The following STRBP variants were observed in gnomAD, a reference collection of about 807,000 sequenced individuals.
The protein encoded by STRBP is spermatid perinuclear RNA binding protein, also known as spermatid perinuclear RNA-binding protein.
STRBP carries 13 observed loss-of-function variants against 80.1 expected under a neutral mutation model. The observed-to-expected ratio is 0.16, with a 90% CI of 0.11 to 0.26. The LOEUF (loss-of-function observed/expected upper bound fraction) is 0.26. STRBP is among the 10% of genes least tolerant of loss of function. The pLI is 1.00. For missense variants in STRBP, 485 were observed against 815.2 expected (o/e 0.59, Z 4.93); for synonymous variants, 284 against 291.2 (o/e 0.98, Z 0.25).
At chr9:123,174,905 T>C (rs2038156129) in intron 4 of STRBP, among the ~76,000 whole-genome samples, 1 of 152,196 alleles carries the variant, frequency 6.6e-6, no homozygotes, top group African/African-American at 2.4e-5. Flanking sequence ...TAACCGTCTT[T>C]CAACAAATAA....
Position 123,179,217 on chromosome 9 carries a change from C to G in STRBP, c.14G>C (p.Arg5Pro). MRSI[R>P]SFANDDRHVM... is the part of the protein sequence containing the mutation. ...ATGGCGATCATCATTAGCAAAAGAT[C>G]GAATAGATCTCTGTTAGAAGGAGAA... is the stretch of plus-strand genomic sequence containing the variant. Residue 5 changes from arginine to proline, a missense_variant, in exon 4 of 19, where the codon CGA (arginine) becomes CCA (proline). Arg to Pro is a moderately radical substitution (Grantham distance 103). Around this residue, in one of 3 missense-constraint regions of STRBP, gnomAD observed 377 missense variants for 616.1 expected, o/e 0.61. Coordinates refer to ENST00000348403, the MANE Select transcript of STRBP (RefSeq NM_018387.5). 1 of 1,605,058 alleles carries G rather than the reference C, an allele frequency of 6.2e-7. No homozygotes were observed. Among genetic ancestry groups the G allele is most frequent in the Non-Finnish European group, 8.5e-7 (1 of 1,172,556 alleles).
At chr9:123,184,890 T>C (rs1417139838) in intron 2 of STRBP, among the ~76,000 whole-genome samples, 3 of 152,234 alleles carry the variant, frequency 2.0e-5, no homozygotes, top group African/African-American at 7.2e-5. Context: ...GCCAGACTCC[T>C]GAATATTCAC....
In STRBP at chr9:123,115,021, C is replaced by A. The variant is rs893731804; in HGVS notation, c.*84+908G>T. 53 of 366,206 alleles carry A rather than the reference C, an allele frequency of 1.4e-4. No individual in the cohort carries two copies. The highest frequency in any genetic ancestry group is 9.6e-4 in the African/African-American group (45 of 46,750). 22.7% of individuals were successfully genotyped at this position (366,206 alleles called of 1,614,324 possible). A position where few individuals can be genotyped will look rare whatever the true frequency, so the allele number is the denominator to read the frequency against. ...CCTCCTGACTCTGGTCCTTGGCTAT[C>A]CAACTGTCCCAATCGACCCTCTGGA... On this transcript the variant is annotated intron_variant and NMD_transcript_variant, in intron 3 of 3. Transcript: ENST00000471564. The surrounding 1 kb of genome is among the most constrained non-coding windows in gnomAD (Gnocchi z 5.0).
At chr9:123,264,255 T>C (rs1290959142) in intron 1 of STRBP, among the ~76,000 whole-genome samples, 1 of 152,230 alleles carries the variant, frequency 6.6e-6, no homozygotes, top group African/African-American at 2.4e-5. Context: ...AGAAACAATC[T>C]TGGGCTATAG....
At chr9:123,255,945 T>C (rs1485768785) in intron 1 of STRBP, among the ~76,000 whole-genome samples, 4 of 151,812 alleles carry the variant, frequency 2.6e-5, no homozygotes, top group Non-Finnish European at 5.9e-5. Context: ...AACCCTGTAG[T>C]TGTCAGGCTT....
Position 123,123,500 on chromosome 9 carries a change from C to T in STRBP, c.*2097G>A, listed in dbSNP as rs1006135053. 1 of 977,574 alleles carries T rather than the reference C, an allele frequency of 1.0e-6. No homozygotes were observed. The highest frequency in any genetic ancestry group is 1.2e-6 in the Non-Finnish European group (1 of 828,174). The allele number at this position is 977,574 out of a possible 1,614,324, so 60.6% of individuals were successfully genotyped here. A position where few individuals can be genotyped will look rare whatever the true frequency, so the allele number is the denominator to read the frequency against. On this transcript the variant is annotated 3_prime_UTR_variant, in exon 19 of 19. Transcript: ENST00000348403. Reference sequence around the variant, plus strand: ...TTGCAGCAACTGGGCAGGTTTACAACATGGTTAGTAACTTCCAACAAACAA... The same window carrying T: ...TTGCAGCAACTGGGCAGGTTTACAATATGGTTAGTAACTTCCAACAAACAA...
chr9:123,186,839 AAAAAG>A (rs1414589346), intron 2 of STRBP, among the ~76,000 whole-genome samples: 1 of 151,922 alleles, frequency 6.6e-6, no homozygotes, highest in East Asian at 1.9e-4. Flanking sequence ...AAAAAAAAAA[AAAAAG>A]GTCAACCTAG....
intron 2 of STRBP, among the ~76,000 whole-genome samples, chr9:123,197,359 T>G (rs1030916557): frequency 2.1e-4 from 32 of 152,176 alleles, no homozygotes; most frequent in African/African-American, 5.3e-4. Flanking sequence ...TTTTTTTTAT[T>G]TCAATTCCTT....
At chr9:123,224,265 T>C (rs1282190284) in intron 2 of STRBP, among the ~76,000 whole-genome samples, 2 of 152,194 alleles carry the variant, frequency 1.3e-5, no homozygotes, top group African/African-American at 2.4e-5. Flanking sequence ...AAATCTTTTT[T>C]GTAACTATTT....
At chr9:123,129,451 C>T (rs901783715) in intron 17 of STRBP, among the ~76,000 whole-genome samples, 1 of 152,190 alleles carries the variant, frequency 6.6e-6, no homozygotes, top group Admixed American at 6.5e-5. Context: ...CACTTTTACA[C>T]AGTACCCAAA....
chr9:123,201,371 C>T (rs1053868978), intron 2 of STRBP, among the ~76,000 whole-genome samples: 1 of 152,182 alleles, frequency 6.6e-6, no homozygotes, highest in Non-Finnish European at 1.5e-5. Flanking sequence ...CTCAGCACTG[C>T]TTTTGCTGTA....
intron 1 of STRBP, among the ~76,000 whole-genome samples, chr9:123,259,022 C>T (rs2041100523): frequency 7.6e-6 from 1 of 131,634 alleles, no homozygotes; most frequent in Non-Finnish European, 1.6e-5. Flanking sequence ...AAGGATCATT[C>T]TTGTTACTGT....
chr9:123,262,807 T>G (rs1044436228), intron 1 of STRBP, among the ~76,000 whole-genome samples: 5 of 152,170 alleles, frequency 3.3e-5, no homozygotes, highest in African/African-American at 1.2e-4. Flanking sequence ...AAGAAATAAT[T>G]CAAATTAGAC....
chr9:123,226,207 T>G (rs2040230219), intron 2 of STRBP, among the ~76,000 whole-genome samples: 1 of 152,104 alleles, frequency 6.6e-6, no homozygotes, highest in African/African-American at 2.4e-5. Flanking sequence ...AGATCAATGG[T>G]TTCCAGGAGC....
At chr9:123,214,501 A>C (rs192437148) in intron 2 of STRBP, among the ~76,000 whole-genome samples, 280 of 152,238 alleles carry the variant, frequency 1.8e-3, no homozygotes, top group African/African-American at 6.3e-3. Context: ...TGGAAATAAA[A>C]ATTTTTTATT....
intron 6 of STRBP, among the ~76,000 whole-genome samples, chr9:123,166,620 G>A (rs1454572387): frequency 6.6e-6 from 1 of 152,078 alleles, no homozygotes; most frequent in East Asian, 1.9e-4. Flanking sequence ...CGGTCATGGT[G>A]GCATGCACCT....
At chr9:123,239,391 A>T (rs973503419) in intron 1 of STRBP, among the ~76,000 whole-genome samples, 1 of 152,108 alleles carries the variant, frequency 6.6e-6, no homozygotes, top group African/African-American at 2.4e-5. Context: ...AAAAAAAAAA[A>T]TGGAATGCCT....
chr9:123,225,005 G>T (rs1324201091), intron 2 of STRBP, among the ~76,000 whole-genome samples: 1 of 152,106 alleles, frequency 6.6e-6, no homozygotes, highest in Admixed American at 6.5e-5. Flanking sequence ...CTCACACAAT[G>T]AAACAATATG....
Position 123,159,089 on chromosome 9 carries a change from C to A in STRBP, c.835+7G>T. ...ATTGTTCTGCTTCCAGAGTTTGAAA[C>A]CCTTACCAGGAAGTAGTATTCCAGA... On this transcript the variant is annotated splice_region_variant and intron_variant, in intron 9 of 18. Transcript: ENST00000348403. 6.2e-7 allele frequency: 1 copy of A among 1,608,006 alleles called. No homozygotes were observed. Among genetic ancestry groups the A allele is most frequent in the Non-Finnish European group, 8.5e-7 (1 of 1,174,772 alleles).
Sources: allele counts gnomAD v4.1 joint callset (sites outside exome capture counted in the v4.1 genomes callset), GRCh38; gene constraint gnomAD v4.1.1; regional missense constraint gnomAD v4.1.1; non-coding constraint Gnocchi (gnomAD v3.1); transcripts MANE v1.5; gene names NCBI Gene and HGNC (gene_info 2026-07-23, HGNC 2026-07-21).